ART5: variants seen among roughly 807,000 people sequenced by gnomAD.
ART5 encodes the protein ecto-ADP-ribosyltransferase 5.
In ART5, 22 loss-of-function variants were observed where a neutral mutation model predicts 25.0. The observed-to-expected ratio is 0.88, with a 90% CI of 0.63 to 1.26. The LOEUF (loss-of-function observed/expected upper bound fraction) is 1.26, where lower values mean the gene tolerates loss of function less well. Among genes scored for constraint, ART5 ranks in the 50% most tolerant of loss-of-function variants. ART5 has a pLI of 0.00. For missense variants in ART5, 402 were observed against 372.8 expected (o/e 1.08, Z -0.64); for synonymous variants, 161 against 154.8 (o/e 1.04, Z -0.30).
chr11:3,638,798 G>A lies in ART5; in HGVS notation c.821-5C>T, dbSNP rs372391959. 2.5e-5 allele frequency: 41 copies of A among 1,614,088 alleles called. No individual in the cohort carries two copies. The highest frequency in any genetic ancestry group is 3.4e-5 in the Non-Finnish European group (40 of 1,180,040). ...GGTCACCCGTTCCCAGGGCTCCTAA[G>A]TGGCAGATGTTGGACTTTCAGGGCC... is the stretch of plus-strand genomic sequence containing the variant. On this transcript the variant is annotated splice_polypyrimidine_tract_variant and splice_region_variant and intron_variant, in intron 3 of 3. Transcript: ENST00000397068.
In ART5 at chr11:3,640,355, A is replaced by ATGG. The variant is rs3062849; in HGVS notation, c.71_73dup (p.Pro24_Ile25insThr). On this transcript the variant is annotated inframe_insertion, in exon 2 of 4. Coordinates refer to ENST00000397068, the MANE Select transcript of ART5 (RefSeq NM_053017.5). ...GTCTGGAGCCAGGCCCAGGGGCAGG[A>ATGG]TGGGAACAGCCTGGGCCTGTGGAGC... 1,593,791 of 1,606,714 alleles carry ATGG rather than the reference A, an allele frequency of 0.99. 790,853 individuals carry two copies. The highest frequency in any genetic ancestry group is 1 in the East Asian group (44,745 of 44,748).
At chr11:3,641,771 C>A (rs748072815) in intron 1 of ART5, 35 bp downstream of exon 1, 1 of 1,561,426 alleles carries the variant, frequency 6.4e-7, no homozygotes, top group East Asian at 2.3e-5. Flanking sequence ...CCCTTAATGT[C>A]CCCCTTGGGG....
chr11:3,639,149 T>A, intron 2 of ART5, 114 bp from the exon 3 acceptor site: 1 of 1,211,770 alleles, frequency 8.3e-7, no homozygotes, highest in Non-Finnish European at 1.2e-6. Flanking sequence ...TCCCTTCACC[T>A]AAAGGGAAAC....
At chr11:3,642,351 C>A, upstream of ART5, 1 of 959,322 alleles carries the variant, frequency 1.0e-6, no homozygotes, top group Non-Finnish European at 1.2e-6. Context: ...GGGCCGGGAG[C>A]GGGCGCGCCA....
At chr11:3,639,513 G>A (rs2077360130) in intron 2 of ART5, 129 bp downstream of exon 2, 5 of 1,365,392 alleles carry the variant, frequency 3.7e-6, no homozygotes, top group Non-Finnish European at 3.9e-6. Flanking sequence ...AGCAACTCCA[G>A]CTGACTTCCA....
chr11:3,638,865 G>C, intron 3 of ART5, 72 bp from the exon 4 acceptor site: 1 of 1,613,748 alleles, frequency 6.2e-7, no homozygotes, highest in Non-Finnish European at 8.5e-7. Context: ...CAAGAGCAGA[G>C]TCTTCCAGGG....
At chr11:3,642,274 A>T (rs998209843), upstream of ART5, 32 of 1,037,684 alleles carry the variant, frequency 3.1e-5, no homozygotes, top group Non-Finnish European at 3.6e-5. Flanking sequence ...CTGAAAGCAA[A>T]GGTTCTCGAG....
Position 3,639,977 on chromosome 11 carries a change from C to A in ART5, c.452G>T (p.Ser151Ile). The A allele has an allele frequency of 6.2e-7, 1 of 1,614,188 alleles. No individual in the cohort carries two copies. Among genetic ancestry groups the A allele is most frequent in the South Asian group, 1.1e-5 (1 of 91,090 alleles). ...GAACACCACCTCCCCAGGTCCCCTG[C>A]TGCAGCCCCCACTGCCTCGCAGCAG... Reference protein sequence around the residue: ...LQLLRGSGGCSRGPGEVVFRG... With the variant: ...LQLLRGSGGCIRGPGEVVFRG... The change falls in exon 2 of 4, where the codon AGC (serine) becomes ATC (isoleucine). Residue 151 changes from serine (S) to isoleucine (I), a missense_variant. By Grantham distance (142) the Ser-to-Ile change is moderately radical. Transcript: ENST00000397068.
Position 3,640,895 on chromosome 11 carries a change from C to G in ART5, c.58-524G>C, listed in dbSNP as rs143326644. Among the ~76,000 whole-genome samples, 976 of 151,926 alleles carry G rather than the reference C, an allele frequency of 6.4e-3. 16 individuals carry two copies. Among genetic ancestry groups the G allele is most frequent in the African/African-American group, 0.022 (932 of 41,546 alleles). On this transcript the variant is annotated intron_variant, in intron 1 of 3. Transcript: ENST00000397068. ...TAGCTAGGATTACAGGTGCGCAATA[C>G]CACGCCCAGCTAATTTTTTGTATTT...
rs186288049 is a variant in ART5 at position 3,641,892 on chromosome 11, C to T, written c.-30G>A. 72 of 1,552,342 alleles carry T rather than the reference C, an allele frequency of 4.6e-5. No homozygotes were observed. Among genetic ancestry groups the T allele is most frequent in the South Asian group, 7.1e-5 (6 of 84,600 alleles). ...GGAGGAGACGTGAGGGCCAGGGGTCCGGGTGAGGGCGGGACCAGAGGTGCT... is the reference window on the plus strand; with the variant it reads ...GGAGGAGACGTGAGGGCCAGGGGTCTGGGTGAGGGCGGGACCAGAGGTGCT... On this transcript the variant is annotated 5_prime_UTR_variant, in exon 1 of 4. Coordinates refer to ENST00000397068, the MANE Select transcript of ART5 (RefSeq NM_053017.5).
chr11:3,640,792 A>G (rs1303183701), intron 1 of ART5, among the ~76,000 whole-genome samples: 1 of 152,164 alleles, frequency 6.6e-6, no homozygotes, highest in East Asian at 1.9e-4. Flanking sequence ...CCCAGGCCGG[A>G]GTACAATGGC....
upstream of ART5, chr11:3,642,015 G>T (rs998539412): frequency 2.8e-4 from 405 of 1,446,798 alleles, no homozygotes; most frequent in Non-Finnish European, 3.5e-4. Context: ...GGGCGTGGGC[G>T]GGGCCTGGGA....
chr11:3,642,185 C>G, upstream of ART5: 1 of 1,195,966 alleles, frequency 8.4e-7, no homozygotes, highest in Non-Finnish European at 1.0e-6. Context: ...CACTTGAAGG[C>G]TGCGGAAGCC....
At chr11:3,642,281 C>G (rs1283797481), upstream of ART5, 6 of 1,033,652 alleles carry the variant, frequency 5.8e-6, no homozygotes, top group African/African-American at 1.0e-4. Context: ...CAAAGGTTCT[C>G]GAGGCTAACT....
intron 1 of ART5, 144 bp downstream of exon 1, chr11:3,641,662 G>C (rs72844325): frequency 1.4e-6 from 2 of 1,423,954 alleles, no homozygotes; most frequent in Admixed American, 4.6e-5. Context: ...AGAGATGGAG[G>C]TTCCTGAGAG....
chr11:3,639,078 G>A (rs367805695), intron 2 of ART5, 43 bp from the exon 3 acceptor site: 121 of 1,547,784 alleles, frequency 7.8e-5, no homozygotes, highest in South Asian at 1.1e-4. Flanking sequence ...GGACAGACTC[G>A]CACCCAAACT....
rs1256836231 is a variant in ART5, at chr11:3,639,634, C to A, written c.787+8G>T. 3.1e-6 allele frequency: 5 copies of A among 1,604,706 alleles called. No homozygotes were observed. The highest frequency in any genetic ancestry group is 3.4e-5 in the Admixed American group (2 of 58,930). On this transcript the variant is annotated splice_region_variant and intron_variant, in intron 2 of 3. Transcript: ENST00000397068. Reference sequence around the variant, plus strand: ...CTGCCAGTCCTGCTTCCCCCATGCACAGCTTACCACCCAGATAGGCGCAGT... The same window carrying A: ...CTGCCAGTCCTGCTTCCCCCATGCAAAGCTTACCACCCAGATAGGCGCAGT...
rs746090717 is a variant in ART5, at chr11:3,640,235, C to A, written c.194G>T (p.Arg65Leu). The A allele has an allele frequency of 1.2e-6, 2 of 1,613,682 alleles. No individual in the cohort carries two copies. Among genetic ancestry groups the A allele is most frequent in the African/African-American group, 2.7e-5 (2 of 74,940 alleles). ...CTCCTGGGCTGCCTCCCAGGATTCC[C>A]GCAGCAGGGCATGGTGGGCCATTTC... The part of the protein sequence containing the change: ...KEEMAHHALL[R>L]ESWEAAQETW... The change falls in exon 2 of 4, where the codon CGG (arginine) becomes CTG (leucine). Residue 65 changes from arginine to leucine, a missense_variant. Transcript: ENST00000397068.
In ART5 at chr11:3,639,674, G is replaced by A. The variant is rs780320762; in HGVS notation, c.755C>T (p.Thr252Ile). 6.2e-7 allele frequency: 1 copy of A among 1,613,752 alleles called. No homozygotes were observed. Among genetic ancestry groups the A allele is most frequent in the Admixed American group, 1.7e-5 (1 of 60,000 alleles). ...ATAGGCGCAGTTAAAATGGCTACAG[G>A]TCTGATTATAGCTCCAGAGAGTCAC... Reference protein sequence around the residue: ...SLVTLWSYNQTCSHFNCAYLG... With the variant: ...SLVTLWSYNQICSHFNCAYLG... Residue 252 changes from threonine (T) to isoleucine (I), a missense_variant, in exon 2 of 4, where the codon ACC becomes ATC. By Grantham distance (89) the Thr-to-Ile change is moderately conservative. Transcript: ENST00000397068.
Sources: gnomAD v4.1 joint callset for allele counts (sites outside exome capture counted in the v4.1 genomes callset) on GRCh38, gnomAD v4.1.1 for gene constraint, MANE v1.5 for transcripts, NCBI Gene and HGNC (gene_info 2026-07-23, HGNC 2026-07-21) for gene names.